The following TENM4 variants were observed in gnomAD, a reference collection of about 807,000 sequenced individuals.
The protein encoded by TENM4 is teneurin transmembrane protein 4.
Under a neutral mutation model 243.3 loss-of-function variants are expected in TENM4, and 82 were observed. The observed-to-expected ratio is 0.34, with a 90% CI of 0.28 to 0.40. The LOEUF (loss-of-function observed/expected upper bound fraction) is 0.40, where lower values mean the gene tolerates loss of function less well. TENM4 is among the 10% of genes least tolerant of loss of function. The probability of loss-of-function intolerance (pLI) is 1.00; values close to 1 mark genes in which losing one functional copy is unlikely to be tolerated. For synonymous variants in TENM4, 1,412 were observed against 1,456.3 expected (o/e 0.97, Z 0.69); for missense variants, 3,138 against 3,673.3 (o/e 0.85, Z 3.77).
intron 28 of TENM4, among the ~76,000 whole-genome samples, chr11:78,691,695 C>T (rs1209149657): frequency 6.6e-6 from 1 of 152,150 alleles, no homozygotes; most frequent in Non-Finnish European, 1.5e-5. Flanking sequence ...AGGCCCCATA[C>T]CTTCAAGATC....
In TENM4 at chr11:78,974,936, T is replaced by C. The variant is rs921154392; in HGVS notation, c.494-71413A>G. On this transcript the variant is annotated intron_variant, in intron 6 of 33. Transcript: ENST00000278550. ...CTGACCTTATATAATCTGCCCACCT[T>C]GGCTTCCCAAAGTGCTGGGATTACA... is the stretch of plus-strand genomic sequence containing the variant. Among the ~76,000 whole-genome samples, 4 of 152,006 alleles carry C rather than the reference T, an allele frequency of 2.6e-5. No individual in the cohort carries two copies. The South Asian group carries it at 6.3e-4, about 24-fold the overall frequency.
chr11:78,758,815 TAG>T (rs1415057252), intron 18 of TENM4, among the ~76,000 whole-genome samples: 1 of 152,190 alleles, frequency 6.6e-6, no homozygotes, highest in African/African-American at 2.4e-5. Flanking sequence ...ATTCCAGAGA[TAG>T]ACTGTCTGGG....
chr11:78,904,994 T>C (rs1190929331), intron 6 of TENM4, among the ~76,000 whole-genome samples: 1 of 152,212 alleles, frequency 6.6e-6, no homozygotes, highest in East Asian at 1.9e-4. Context: ...CTACCACTTA[T>C]TAACCACATG....
chr11:78,848,251 C>T (rs968432791), intron 12 of TENM4, among the ~76,000 whole-genome samples: 1 of 151,822 alleles, frequency 6.6e-6, no homozygotes, highest in Admixed American at 6.6e-5. Flanking sequence ...ATCAGATAGA[C>T]CTCTAGCTCT....
At position 78,732,501 on chromosome 11, in the gene TENM4, T is replaced by C. The variant is rs1590976391; in HGVS notation, c.2953A>G (p.Thr985Ala). ...AAGCGATCCCATGGCAGCCACAGGG[T>C]GTGCTCCTGTGTGATGAAAGGTGCC... ...ERAPFITQEH[T>A]LWLPWDRFFV... Residue 985 changes from threonine to alanine, a missense_variant, in exon 21 of 34, where the codon ACC becomes GCC. By Grantham distance (58) the Thr-to-Ala change is moderately conservative. Transcript: ENST00000278550. 1 of 1,613,328 alleles carries C rather than the reference T, an allele frequency of 6.2e-7. No homozygotes were observed. Among genetic ancestry groups the C allele is most frequent in the African/African-American group, 1.3e-5 (1 of 74,836 alleles).
chr11:79,088,121 G>A (rs1468201303), intron 4 of TENM4, among the ~76,000 whole-genome samples: 1 of 152,206 alleles, frequency 6.6e-6, no homozygotes, highest in Non-Finnish European at 1.5e-5. Context: ...TCACTCCATC[G>A]GTTCTGCTTT....
chr11:79,349,778 A>T (rs533267225), intron 1 of TENM4, among the ~76,000 whole-genome samples: 2 of 152,282 alleles, frequency 1.3e-5, no homozygotes, highest in East Asian at 1.9e-4. Context: ...CCAGGCAGAG[A>T]TTATTAATAT....
At chr11:78,915,614 TA>T (rs1246675670) in intron 6 of TENM4, among the ~76,000 whole-genome samples, 1 of 152,054 alleles carries the variant, frequency 6.6e-6, no homozygotes, top group Non-Finnish European at 1.5e-5. Context: ...ATAAACTTTT[TA>T]TTTTTATCCA....
chr11:78,805,891 A>G (rs1245415908), intron 14 of TENM4, among the ~76,000 whole-genome samples: 1 of 152,208 alleles, frequency 6.6e-6, no homozygotes, highest in Non-Finnish European at 1.5e-5. Context: ...TGTAGGCATG[A>G]GACTAAAATA....
chr11:79,324,094 T>C (rs1477684378), intron 1 of TENM4, among the ~76,000 whole-genome samples: 1 of 152,236 alleles, frequency 6.6e-6, no homozygotes, highest in Non-Finnish European at 1.5e-5. Context: ...TCCTGTATAC[T>C]TCAAATCACC....
chr11:79,387,119 C>T (rs1405149153), intron 1 of TENM4, among the ~76,000 whole-genome samples: 2 of 152,156 alleles, frequency 1.3e-5, no homozygotes, highest in African/African-American at 4.8e-5. Flanking sequence ...ATCTCACAAA[C>T]ACAATGTTGA....
chr11:79,162,960 G>A (rs566183745), intron 3 of TENM4, among the ~76,000 whole-genome samples: 39 of 152,376 alleles, frequency 2.6e-4, no homozygotes, highest in Non-Finnish European at 4.0e-4. Flanking sequence ...AGCTATTTCT[G>A]CAGGCCCAAG....
chr11:78,749,846 C>T (rs534877307), intron 19 of TENM4, among the ~76,000 whole-genome samples: 3 of 152,254 alleles, frequency 2.0e-5, no homozygotes, highest in African/African-American at 2.4e-5. Context: ...GGTTAGTGAA[C>T]GGGTGAGGGT....
At chr11:79,137,847 T>A (rs749020467) in intron 4 of TENM4, among the ~76,000 whole-genome samples, 3 of 152,116 alleles carry the variant, frequency 2.0e-5, no homozygotes, top group Non-Finnish European at 2.9e-5. Flanking sequence ...AATTATGACC[T>A]TATTATTGTC....
chr11:79,178,919 A>T (rs960993092), intron 3 of TENM4, among the ~76,000 whole-genome samples: 15 of 152,372 alleles, frequency 9.8e-5, no homozygotes, highest in Non-Finnish European at 1.5e-4. Context: ...ATGTGTATGT[A>T]TCTGGCTAGA....
Position 79,200,968 on chromosome 11 carries a change from A to G in TENM4, c.-163+14840T>C, listed in dbSNP as rs1179750126. On this transcript the variant is annotated intron_variant, in intron 3 of 33. Coordinates refer to ENST00000278550, the MANE Select transcript of TENM4 (RefSeq NM_001098816.3). ...AAAGTATGCTTGAAGGATGAACACT[A>G]TTATAATTATGCCCCACACAGCTTT... is the stretch of plus-strand genomic sequence containing the variant. Among the ~76,000 whole-genome samples the G allele has an allele frequency of 5.9e-5, 9 of 152,216 alleles. No individual in the cohort carries two copies. The South Asian group carries it at 1.7e-3, about 28-fold the overall frequency.
rs1243451727 is a variant in TENM4 at position 79,107,240 on chromosome 11, T to A, written c.-65-37231A>T. Among the ~76,000 whole-genome samples the A allele has an allele frequency of 2.5e-4, 38 of 152,088 alleles. 1 individual carries two copies. The highest frequency in any genetic ancestry group is 2.5e-3 in the Admixed American group (38 of 15,264). ...CTGCTTCTCACAAGGAATAATGAAT[T>A]TATTTTTACTGTATACAAGACTGCA... On this transcript the variant is annotated intron_variant, in intron 4 of 33. Coordinates refer to ENST00000278550, the MANE Select transcript of TENM4 (RefSeq NM_001098816.3).
At chr11:78,902,556 C>T (rs554062958) in intron 7 of TENM4, among the ~76,000 whole-genome samples, 1 of 152,306 alleles carries the variant, frequency 6.6e-6, no homozygotes, top group Non-Finnish European at 1.5e-5. Context: ...CCTCAGTCGC[C>T]TGTGTGAAGT....
intron 1 of TENM4, among the ~76,000 whole-genome samples, chr11:79,333,192 T>C (rs900102321): frequency 6.6e-6 from 1 of 152,062 alleles, no homozygotes; most frequent in African/African-American, 2.4e-5. Flanking sequence ...AAGGAGAACA[T>C]TCAAAACAAG....
Sources: allele counts gnomAD v4.1 joint callset (sites outside exome capture counted in the v4.1 genomes callset), GRCh38; gene constraint gnomAD v4.1.1; transcripts MANE v1.5; gene names NCBI Gene and HGNC (gene_info 2026-07-23, HGNC 2026-07-21).